Variants in TFDP2 observed in about 807,000 individuals in gnomAD.
TFDP2 encodes the protein transcription factor Dp-2 (E2F dimerization partner 2).
TFDP2 carries 17 observed loss-of-function variants against 59.3 expected under a neutral mutation model. The observed-to-expected ratio is 0.29, with a 90% confidence interval of 0.20 to 0.43. The LOEUF is 0.43. Ranked by LOEUF, TFDP2 falls within the 20% of genes least tolerant of loss-of-function variation. The pLI, the probability that TFDP2 is intolerant of heterozygous loss-of-function variation, is 1.00. For synonymous variants in TFDP2, 180 were observed against 194.7 expected (o/e 0.92, Z 0.63); for missense variants, 391 against 528.8 (o/e 0.74, Z 2.56).
chr3:142,018,954 C>T (rs1248246065), intron 3 of TFDP2, among the ~76,000 whole-genome samples: 2 of 112,370 alleles, frequency 1.8e-5, no homozygotes, highest in Admixed American at 1.1e-4. Context: ...TTTGGTAGAA[C>T]GTCTTTAAAT....
chr3:142,055,041 C>T (rs1443837366), intron 3 of TFDP2, among the ~76,000 whole-genome samples: 1 of 152,188 alleles, frequency 6.6e-6, no homozygotes, highest in East Asian at 1.9e-4. Context: ...TTGGAAAAGT[C>T]ATCACAGAGA....
chr3:142,103,850 G>C (rs2061390083), intron 1 of TFDP2, among the ~76,000 whole-genome samples: 1 of 151,900 alleles, frequency 6.6e-6, no homozygotes, highest in Non-Finnish European at 1.5e-5. Flanking sequence ...GTTAGAATTT[G>C]AATCTACAAG....
intron 8 of TFDP2, among the ~76,000 whole-genome samples, chr3:141,973,281 T>A (rs1317440336): frequency 6.6e-6 from 1 of 151,782 alleles, no homozygotes; most frequent in African/African-American, 2.4e-5. Context: ...CACTGGCTAA[T>A]TTTTGTATTT....
intron 2 of TFDP2, among the ~76,000 whole-genome samples, chr3:142,098,364 T>C (rs1215095920): frequency 6.6e-6 from 1 of 151,196 alleles, no homozygotes; most frequent in Non-Finnish European, 1.5e-5. Context: ...AGAAAAATAT[T>C]ACTGGATACT....
At chr3:142,129,921 T>C (rs1263028640) in intron 1 of TFDP2, among the ~76,000 whole-genome samples, 1 of 151,996 alleles carries the variant, frequency 6.6e-6, no homozygotes, top group Non-Finnish European at 1.5e-5. Flanking sequence ...ATGGCTACCA[T>C]CAAACAAACA....
At chr3:141,993,966 C>T (rs1339824151) in intron 5 of TFDP2, among the ~76,000 whole-genome samples, 1 of 152,246 alleles carries the variant, frequency 6.6e-6, no homozygotes, top group Non-Finnish European at 1.5e-5. Context: ...CAAAGTGGGC[C>T]AGCACTGCTG....
At chr3:142,086,775 C>T (rs1284737723) in intron 3 of TFDP2, among the ~76,000 whole-genome samples, 1 of 152,202 alleles carries the variant, frequency 6.6e-6, no homozygotes, top group East Asian at 1.9e-4. Flanking sequence ...CTTCTCCCAT[C>T]TCCAATGGAT....
rs868524291 is a variant in TFDP2, at chr3:142,010,632, T to C, written c.83-5088A>G. Among the ~76,000 whole-genome samples, 1,121 of 129,148 alleles carry C rather than the reference T, an allele frequency of 8.7e-3. 8 individuals are homozygous for C. Among genetic ancestry groups the C allele is most frequent in the Middle Eastern group, 0.026 (6 of 232 alleles). The allele number at this position is 129,148 out of a possible 152,430, so 84.7% of individuals were successfully genotyped here. A position where few individuals can be genotyped will look rare whatever the true frequency, so the allele number is the denominator to read the frequency against. Reference sequence around the variant, plus strand: ...TCAAAAAAAAAAAAAAAAAAAAACCTACCATCAGAGTGAACAGGCAACCTA... The same window carrying C: ...TCAAAAAAAAAAAAAAAAAAAAACCCACCATCAGAGTGAACAGGCAACCTA... On this transcript the variant is annotated intron_variant, in intron 3 of 12. Transcript: ENST00000489671.
intron 3 of TFDP2, among the ~76,000 whole-genome samples, chr3:142,006,063 A>G (rs1164124716): frequency 6.6e-6 from 1 of 152,226 alleles, no homozygotes; most frequent in Non-Finnish European, 1.5e-5. Context: ...TTTTATAACT[A>G]GAGAAAAAAC....
At chr3:141,969,150 GAGA>G (rs1397045513) in intron 9 of TFDP2, among the ~76,000 whole-genome samples, 5 of 76,242 alleles carry the variant, frequency 6.6e-5, no homozygotes, top group African/African-American at 2.1e-4. Flanking sequence ...CCATATATAT[GAGA>G]TATATATATA....
intron 3 of TFDP2, among the ~76,000 whole-genome samples, chr3:142,023,083 G>C (rs1945752413): frequency 8.1e-6 from 1 of 124,210 alleles, no homozygotes; most frequent in Non-Finnish European, 1.6e-5. Context: ...TCGTGTCACT[G>C]CACTCCAGCC....
At chr3:142,141,154 C>T (rs1004662627) in intron 1 of TFDP2, among the ~76,000 whole-genome samples, 4 of 152,234 alleles carry the variant, frequency 2.6e-5, no homozygotes, top group African/African-American at 7.2e-5. Flanking sequence ...CAAGGCTCCA[C>T]GGATGTGGGG....
chr3:142,058,166 T>C (rs1194823897), intron 3 of TFDP2, among the ~76,000 whole-genome samples: 1 of 152,210 alleles, frequency 6.6e-6, no homozygotes, highest in Non-Finnish European at 1.5e-5. Flanking sequence ...TTTTTAAATG[T>C]CCAAGTCATT....
At chr3:142,111,649 GGGA>G (rs777193808) in intron 1 of TFDP2, among the ~76,000 whole-genome samples, 3 of 152,222 alleles carry the variant, frequency 2.0e-5, no homozygotes, top group African/African-American at 4.8e-5. Context: ...AAAAGCATGT[GGGA>G]GGTTCCAGGG....
chr3:142,066,646 C>A (rs1427113666), intron 3 of TFDP2, among the ~76,000 whole-genome samples: 1 of 152,114 alleles, frequency 6.6e-6, no homozygotes, highest in Non-Finnish European at 1.5e-5. Flanking sequence ...GTCAAACCAT[C>A]GTTAAGTTGG....
intron 3 of TFDP2, among the ~76,000 whole-genome samples, chr3:142,044,680 T>C: frequency 6.6e-6 from 1 of 152,092 alleles, no homozygotes; most frequent in South Asian, 2.1e-4. Flanking sequence ...CCTAAATAAT[T>C]TCTTTTAAAA....
chr3:142,032,661 T>A (rs535720924), intron 3 of TFDP2, among the ~76,000 whole-genome samples: 56 of 152,276 alleles, frequency 3.7e-4, no homozygotes, highest in African/African-American at 1.3e-3. Flanking sequence ...AACCCACTCA[T>A]CCTCCTAGGT....
chr3:142,042,089 T>A (rs796641720), intron 3 of TFDP2, among the ~76,000 whole-genome samples: 1 of 152,222 alleles, frequency 6.6e-6, no homozygotes. Flanking sequence ...AATCAGGTAA[T>A]GTGAGTCTTA....
At chr3:142,043,673 T>C (rs1947147209) in intron 3 of TFDP2, 2 of 1,033,752 alleles carry the variant, frequency 1.9e-6, no homozygotes, top group Non-Finnish European at 1.5e-6. Flanking sequence ...ATCTCCTCCT[T>C]CTTGGCCTGC....
Sources: gnomAD v4.1 joint callset for allele counts (sites outside exome capture counted in the v4.1 genomes callset) on GRCh38, gnomAD v4.1.1 for gene constraint, MANE v1.5 for transcripts, NCBI Gene and HGNC (gene_info 2026-07-23, HGNC 2026-07-21) for gene names.